ANO2: variants seen among roughly 807,000 people sequenced by gnomAD.
ANO2 encodes anoctamin 2.
In ANO2, 101 loss-of-function variants were observed where a neutral mutation model predicts 124.2. That is an observed-to-expected ratio of 0.81 (90% CI 0.69 to 0.96). The LOEUF is 0.96. ANO2 is among the 40% of genes least tolerant of loss of function. The pLI is 0.00. For synonymous variants in ANO2, 486 were observed against 482.5 expected (o/e 1.01, Z -0.09); for missense variants, 1,293 against 1,274.5 (o/e 1.01, Z -0.22).
At chr12:5,871,752 C>G (rs967108899) in intron 3 of ANO2, among the ~76,000 whole-genome samples, 2 of 152,180 alleles carry the variant, frequency 1.3e-5, no homozygotes, top group African/African-American at 4.8e-5. Flanking sequence ...GACCACTACT[C>G]TAAACGGTTT....
intron 10 of ANO2, among the ~76,000 whole-genome samples, chr12:5,783,915 C>A (rs980305860): frequency 1.3e-5 from 2 of 152,172 alleles, no homozygotes; most frequent in Non-Finnish European, 2.9e-5. Context: ...TAACTAGGGG[C>A]AACTTTTCCT....
At position 5,742,169 on chromosome 12, in the gene ANO2, T is replaced by A. The variant is rs947439624; in HGVS notation, c.1351+1988A>T. Among the ~76,000 whole-genome samples, 3 of 152,256 alleles carry A rather than the reference T, an allele frequency of 2.0e-5. No homozygotes were observed. The East Asian group carries it at 5.8e-4, about 29-fold the overall frequency. On this transcript the variant is annotated intron_variant, in intron 12 of 24. Transcript: ENST00000682330. The stretch of plus-strand genomic sequence containing the variant: ...CACCAGCAGCCCAAGTCTCTCTCTA[T>A]GTACAGCCATTTCTTCCCAGCCTTA...
At chr12:5,663,676 C>G (rs1372365087) in intron 14 of ANO2, among the ~76,000 whole-genome samples, 1 of 152,136 alleles carries the variant, frequency 6.6e-6, no homozygotes, top group Non-Finnish European at 1.5e-5. Flanking sequence ...GCTATGGCTC[C>G]CAGAACTCAT....
chr12:5,872,646 T>A (rs1028900136), intron 3 of ANO2, among the ~76,000 whole-genome samples: 6 of 152,196 alleles, frequency 3.9e-5, no homozygotes, highest in Admixed American at 1.3e-4. Flanking sequence ...TAATTTTTTT[T>A]AAATATGCTA....
chr12:5,765,078 T>C (rs896739338), intron 10 of ANO2, among the ~76,000 whole-genome samples: 6 of 152,120 alleles, frequency 3.9e-5, no homozygotes, highest in African/African-American at 7.2e-5. Flanking sequence ...GCACAGAGTC[T>C]AGAGACCTGG....
At chr12:5,766,418 C>T (rs1951891821) in intron 10 of ANO2, among the ~76,000 whole-genome samples, 1 of 152,164 alleles carries the variant, frequency 6.6e-6, no homozygotes, top group African/African-American at 2.4e-5. Flanking sequence ...GTGAATCCCA[C>T]AAATATAATG....
chr12:5,943,803 A>G (rs1049501279), intron 1 of ANO2, among the ~76,000 whole-genome samples: 2 of 152,214 alleles, frequency 1.3e-5, no homozygotes, highest in Admixed American at 6.5e-5. Context: ...CTCTCAGCCC[A>G]CAGAATGGGT....
At chr12:5,727,974 T>A (rs1223896017) in intron 14 of ANO2, among the ~76,000 whole-genome samples, 1 of 152,014 alleles carries the variant, frequency 6.6e-6, no homozygotes, top group Admixed American at 6.6e-5. Flanking sequence ...GCCCAGCTAA[T>A]TTTTTGTATT....
rs547793919 is a variant in ANO2 at position 5,900,465 on chromosome 12, A to G, written c.534+20575T>C. ...TGAGTATGTTACTGAACTTCCATGG[A>G]CCTCCATCTGTAAAATGAGACGCTA... is the stretch of plus-strand genomic sequence containing the variant. On this transcript the variant is annotated intron_variant, in intron 3 of 24. Transcript: ENST00000682330. The surrounding 1 kb of genome is among the most constrained non-coding windows in gnomAD (Gnocchi z 4.2). Among the ~76,000 whole-genome samples, 375 of 152,180 alleles carry G rather than the reference A, an allele frequency of 2.5e-3. 2 individuals are homozygous for G. The highest frequency in any genetic ancestry group is 8.7e-3 in the African/African-American group (361 of 41,498).
At chr12:5,740,357 G>A (rs1021614902) in intron 12 of ANO2, 10 of 173,626 alleles carry the variant, frequency 5.8e-5, no homozygotes, top group African/African-American at 2.1e-4. Flanking sequence ...CTACACCCAG[G>A]AGCTTGTCTC....
intron 1 of ANO2, 125 bp from the exon 2 acceptor site, chr12:5,922,929 C>T: frequency 9.8e-7 from 1 of 1,018,180 alleles, no homozygotes; most frequent in Non-Finnish European, 1.3e-6. Context: ...ACAGCTGCCT[C>T]CTTGGTTAGT....
chr12:5,618,695 C>T (rs1039360668), intron 16 of ANO2, among the ~76,000 whole-genome samples: 22 of 152,314 alleles, frequency 1.4e-4, no homozygotes, highest in Non-Finnish European at 3.1e-4. Context: ...TAACCTGATG[C>T]GCCTAAGAAA....
At chr12:5,920,876 T>A (rs1941657686) in intron 3 of ANO2, among the ~76,000 whole-genome samples, 164 bp downstream of exon 3, 1 of 151,844 alleles carries the variant, frequency 6.6e-6, no homozygotes, top group East Asian at 1.9e-4. Context: ...CAAAAAAAAT[T>A]TTTTTTAAAA....
intron 14 of ANO2, among the ~76,000 whole-genome samples, chr12:5,703,200 C>A (rs1036912142): frequency 3.9e-5 from 6 of 152,094 alleles, no homozygotes; most frequent in African/African-American, 1.4e-4. Flanking sequence ...AAAGTGGATA[C>A]ATCTAAGAAA....
chr12:5,616,425 C>T (rs1448753195), intron 16 of ANO2, among the ~76,000 whole-genome samples: 2 of 152,176 alleles, frequency 1.3e-5, no homozygotes, highest in East Asian at 1.9e-4. Context: ...TCCCATACAC[C>T]ACACCTCCTA....
intron 7 of ANO2, among the ~76,000 whole-genome samples, chr12:5,821,959 G>C (rs1953813495): frequency 6.6e-6 from 1 of 152,122 alleles, no homozygotes; most frequent in South Asian, 2.1e-4. Flanking sequence ...TGGTCTCGTG[G>C]GGAGCTCCCT....
At chr12:5,566,547 C>A (rs370205067) in intron 23 of ANO2, among the ~76,000 whole-genome samples, 10 of 152,192 alleles carry the variant, frequency 6.6e-5, no homozygotes, top group African/African-American at 2.2e-4. Flanking sequence ...TTCAACAAAT[C>A]TTTGCTCATC....
chr12:5,685,825 G>A (rs973544332), intron 14 of ANO2, among the ~76,000 whole-genome samples: 8 of 151,894 alleles, frequency 5.3e-5, no homozygotes, highest in African/African-American at 1.9e-4. Context: ...ACAAAACCGG[G>A]ACGACTGCCT....
At chr12:5,695,607 G>C (rs1949135041) in intron 14 of ANO2, among the ~76,000 whole-genome samples, 1 of 152,206 alleles carries the variant, frequency 6.6e-6, no homozygotes, top group Non-Finnish European at 1.5e-5. Flanking sequence ...TTGGGAGGCT[G>C]AGGCAGGCAG....
Sources: gnomAD v4.1 joint callset for allele counts (sites outside exome capture counted in the v4.1 genomes callset) on GRCh38, gnomAD v4.1.1 for gene constraint, Gnocchi (gnomAD v3.1) non-coding constraint, MANE v1.5 for transcripts, NCBI Gene and HGNC (gene_info 2026-07-23, HGNC 2026-07-21) for gene names.